MACROD2: variants seen among roughly 807,000 people sequenced by gnomAD.
The protein encoded by MACROD2 is mono-ADP ribosylhydrolase 2, also known as ADP-ribose glycohydrolase MACROD2.
A neutral mutation model predicts 70.4 loss-of-function variants in MACROD2; 36 were observed. The ratio of observed to expected loss-of-function variants is 0.51; its 90% confidence interval spans 0.39 to 0.68. The LOEUF (loss-of-function observed/expected upper bound fraction) is 0.68, where lower values mean the gene tolerates loss of function less well. MACROD2 is among the 30% of genes least tolerant of loss of function. The probability of loss-of-function intolerance (pLI) is 0.00; values close to 1 mark genes in which losing one functional copy is unlikely to be tolerated. For missense variants in MACROD2, 496 were observed against 538.4 expected (o/e 0.92, Z 0.78); for synonymous variants, 172 against 178.8 (o/e 0.96, Z 0.30).
intron 3 of MACROD2, among the ~76,000 whole-genome samples, chr20:14,273,164 TCTC>T (rs1200666000): frequency 6.6e-6 from 1 of 151,956 alleles, no homozygotes; most frequent in African/African-American, 2.4e-5. Context: ...TCTACAGAAC[TCTC>T]CACCCCAAAT....
intron 3 of MACROD2, among the ~76,000 whole-genome samples, chr20:14,319,824 C>T (rs2122543744): frequency 6.6e-6 from 1 of 152,188 alleles, no homozygotes; most frequent in East Asian, 1.9e-4. Context: ...TCTTCTTCCC[C>T]TGCTACAAAG....
intron 4 of MACROD2, among the ~76,000 whole-genome samples, chr20:14,597,419 T>G (rs1194778481): frequency 2.0e-5 from 3 of 152,094 alleles, no homozygotes; most frequent in African/African-American, 7.2e-5. Context: ...CAGGGAAGAG[T>G]GCTCAAAGAG....
chr20:15,123,966 G>T (rs1269255276), intron 5 of MACROD2, among the ~76,000 whole-genome samples: 1 of 151,936 alleles, frequency 6.6e-6, no homozygotes, highest in African/African-American at 2.4e-5. Context: ...CTGACTCTCA[G>T]CTTTTCACAT....
At chr20:14,185,124 A>C (rs76500974) in intron 3 of MACROD2, among the ~76,000 whole-genome samples, 3,564 of 151,302 alleles carry the variant, frequency 0.024, 130 homozygotes, top group African/African-American at 0.081. Flanking sequence ...TGATTTGTTG[A>C]ATCAATTCAA....
chr20:15,041,533 G>A (rs940905263), intron 5 of MACROD2, among the ~76,000 whole-genome samples: 2 of 151,936 alleles, frequency 1.3e-5, no homozygotes, highest in African/African-American at 4.8e-5. Context: ...GAAGCCTCAA[G>A]TTATCCTCCC....
chr20:14,719,843 G>A (rs1177714611), intron 5 of MACROD2, among the ~76,000 whole-genome samples: 1 of 152,178 alleles, frequency 6.6e-6, no homozygotes, highest in Non-Finnish European at 1.5e-5. Flanking sequence ...CCATGTGTGC[G>A]CAATCTTCAG....
At chr20:14,028,097 C>G (rs2053197235) in intron 2 of MACROD2, among the ~76,000 whole-genome samples, 3 of 152,214 alleles carry the variant, frequency 2.0e-5, no homozygotes, top group Non-Finnish European at 4.4e-5. Flanking sequence ...GCCTTTCTTT[C>G]AGAGATGCCC....
intron 5 of MACROD2, among the ~76,000 whole-genome samples, chr20:15,029,505 T>G (rs1401034137): frequency 6.6e-6 from 1 of 152,150 alleles, no homozygotes; most frequent in Non-Finnish European, 1.5e-5. Context: ...TAACAACTTT[T>G]CCGATGAGGC....
chr20:15,852,992 C>G (rs1361641126), intron 8 of MACROD2, among the ~76,000 whole-genome samples: 1 of 152,074 alleles, frequency 6.6e-6, no homozygotes, highest in East Asian at 1.9e-4. Flanking sequence ...GCCGGAAGGA[C>G]AGCATGAGAT....
chr20:14,359,678 CCTGAG>C (rs1471129174), intron 3 of MACROD2, among the ~76,000 whole-genome samples: 1 of 152,058 alleles, frequency 6.6e-6, no homozygotes, highest in African/African-American at 2.4e-5. Context: ...TTGAGACCAG[CCTGAG>C]CAACATGGTA....
At chr20:15,922,029 C>G (rs929390193) in intron 10 of MACROD2, among the ~76,000 whole-genome samples, 1 of 152,230 alleles carries the variant, frequency 6.6e-6, no homozygotes, top group African/African-American at 2.4e-5. Context: ...GATATTAACT[C>G]CCCAGCACCT....
intron 10 of MACROD2, among the ~76,000 whole-genome samples, chr20:15,919,021 T>C (rs1417611900): frequency 6.6e-6 from 1 of 152,200 alleles, no homozygotes; most frequent in Non-Finnish European, 1.5e-5. Context: ...TTTCAATGAG[T>C]GCAGTCACTT....
intron 8 of MACROD2, among the ~76,000 whole-genome samples, chr20:15,686,463 A>G (rs1023409329): frequency 3.3e-5 from 5 of 152,198 alleles, no homozygotes; most frequent in African/African-American, 9.6e-5. Context: ...TAGGCTTAAT[A>G]TATCTACCTA....
chr20:14,862,041 A>ATATATATTTT (rs1555839543), intron 5 of MACROD2, among the ~76,000 whole-genome samples: 4 of 11,078 alleles, frequency 3.6e-4, no homozygotes, highest in East Asian at 6.5e-3. Context: ...ATATATATTT[A>ATATATATTTT]TATATATATT....
At chr20:15,750,002 T>TA (rs1361628157) in intron 8 of MACROD2, among the ~76,000 whole-genome samples, 1 of 151,818 alleles carries the variant, frequency 6.6e-6, no homozygotes, top group African/African-American at 2.4e-5. Context: ...AGTAGACAAA[T>TA]AAGACTACAT....
At chr20:15,935,293 C>A (rs1716204673) in intron 11 of MACROD2, among the ~76,000 whole-genome samples, 1 of 152,106 alleles carries the variant, frequency 6.6e-6, no homozygotes, top group African/African-American at 2.4e-5. Context: ...TAAATGCATC[C>A]CTGAGTGACT....
At chr20:16,010,602 G>T (rs2066850238) in intron 15 of MACROD2, among the ~76,000 whole-genome samples, 1 of 152,144 alleles carries the variant, frequency 6.6e-6, no homozygotes, top group Admixed American at 6.6e-5. Flanking sequence ...GTGTGCTCAG[G>T]TGTTCAGCCA....
chr20:14,894,147 A>T (rs930359791), intron 5 of MACROD2: 1 of 152,052 alleles, frequency 6.6e-6, no homozygotes, highest in African/African-American at 2.4e-5. Context: ...AACTTTGTTT[A>T]TTGCAATTTT....
Position 15,770,985 on chromosome 20 carries a change from G to A in MACROD2, c.646-91760G>A, listed in dbSNP as rs984992542. On this transcript the variant is annotated intron_variant, in intron 8 of 17. Coordinates refer to ENST00000684519, the MANE Select transcript of MACROD2 (RefSeq NM_001351661.2). The stretch of plus-strand genomic sequence containing the variant: ...AGGAATGAGAGTGTGTTCTGTCCAC[G>A]GGTAGGAGGGATTTGGAAAAGCCAT... Among the ~76,000 whole-genome samples the A allele has an allele frequency of 1.7e-4, 26 of 152,182 alleles. No homozygotes were observed. The Middle Eastern group carries it at 0.01, about 60-fold the overall frequency.
Sources: allele counts gnomAD v4.1 joint callset (sites outside exome capture counted in the v4.1 genomes callset), GRCh38; gene constraint gnomAD v4.1.1; transcripts MANE v1.5; gene names NCBI Gene and HGNC (gene_info 2026-07-23, HGNC 2026-07-21).